OPCML: variants seen among roughly 807,000 people sequenced by gnomAD.
The protein encoded by OPCML is opioid-binding protein/cell adhesion molecule.
A neutral mutation model predicts 37.8 loss-of-function variants in OPCML; 13 were observed. That is an observed-to-expected ratio of 0.34 (90% CI 0.22 to 0.55). The LOEUF (loss-of-function observed/expected upper bound fraction) is 0.55. Ranked by LOEUF, OPCML falls within the 20% of genes least tolerant of loss-of-function variation. OPCML has a pLI of 0.91. For missense variants in OPCML, 341 were observed against 435.6 expected (o/e 0.78, Z 1.93); for synonymous variants, 176 against 168.8 (o/e 1.04, Z -0.33).
intron 3 of OPCML, among the ~76,000 whole-genome samples, chr11:132,530,863 C>T (rs1037673605): frequency 2.6e-5 from 4 of 152,154 alleles, no homozygotes; most frequent in Non-Finnish European, 2.9e-5. Flanking sequence ...CTTTTCTATT[C>T]CTTGACTGTC....
At chr11:133,344,567 C>T (rs1369663948) in intron 1 of OPCML, among the ~76,000 whole-genome samples, 1 of 152,118 alleles carries the variant, frequency 6.6e-6, no homozygotes, top group African/African-American at 2.4e-5. Context: ...ACTCTTCTTC[C>T]TTCACATGTG....
At chr11:133,386,639 C>T (rs1945061006) in intron 1 of OPCML, among the ~76,000 whole-genome samples, 1 of 152,200 alleles carries the variant, frequency 6.6e-6, no homozygotes, top group East Asian at 1.9e-4. Flanking sequence ...TACTTTAAGT[C>T]TCCCTGTTTG....
intron 4 of OPCML, among the ~76,000 whole-genome samples, chr11:132,458,963 C>G (rs2096091676): frequency 6.6e-6 from 1 of 152,154 alleles, no homozygotes; most frequent in Non-Finnish European, 1.5e-5. Flanking sequence ...CACCAAAACT[C>G]AACAAATGGT....
chr11:132,793,349 G>A (rs372099784), intron 2 of OPCML, among the ~76,000 whole-genome samples: 34 of 152,206 alleles, frequency 2.2e-4, no homozygotes, highest in Middle Eastern at 3.4e-3. Flanking sequence ...ATTCCAACTC[G>A]TAGTCTTGTT....
At chr11:133,489,084 G>A (rs1325225826) in intron 1 of OPCML, among the ~76,000 whole-genome samples, 3 of 151,844 alleles carry the variant, frequency 2.0e-5, no homozygotes, top group African/African-American at 7.3e-5. Flanking sequence ...ACTCAAGATG[G>A]ATTAAAGACC....
chr11:133,015,547 A>G (rs1947316758), intron 1 of OPCML, among the ~76,000 whole-genome samples: 1 of 152,152 alleles, frequency 6.6e-6, no homozygotes, highest in Non-Finnish European at 1.5e-5. Context: ...TGAACCCATA[A>G]TTATACTTAA....
intron 2 of OPCML, among the ~76,000 whole-genome samples, chr11:132,842,965 G>T (rs977025118): frequency 1.2e-4 from 19 of 152,086 alleles, no homozygotes; most frequent in African/African-American, 4.3e-4. Flanking sequence ...GTCATGCTTT[G>T]GTAGCTTTTA....
chr11:132,436,724 G>A lies in OPCML; in HGVS notation c.699C>T (p.Gly233=). Residue 233 remains glycine (G), a synonymous_variant, in exon 6 of 8, where the codon GGC becomes GGT. Transcript: ENST00000524381. ...KNTGVSVGQK[G]ILSCEASAVP... ...CTGCAGAGGCTTCACAGCTCAGGAT[G>A]CCCTTCTGACCGACTGAAACACCAG... 1.9e-6 allele frequency: 3 copies of A among 1,614,120 alleles called. No individual in the cohort carries two copies. Among genetic ancestry groups the A allele is most frequent in the Non-Finnish European group, 2.5e-6 (3 of 1,180,030 alleles).
At chr11:132,700,131 T>G (rs138437795) in intron 2 of OPCML, among the ~76,000 whole-genome samples, 1 of 152,192 alleles carries the variant, frequency 6.6e-6, no homozygotes, top group East Asian at 1.9e-4. Context: ...TGATCTTTTG[T>G]GTTTCTGTAA....
intron 2 of OPCML, among the ~76,000 whole-genome samples, chr11:132,923,098 T>TAAATA (rs1565967385): frequency 5.5e-5 from 5 of 90,882 alleles, no homozygotes; most frequent in Non-Finnish European, 9.3e-5. Context: ...AAATAAATAA[T>TAAATA]AATAATAATA....
At chr11:132,889,231 G>A (rs1196022434) in intron 2 of OPCML, among the ~76,000 whole-genome samples, 1 of 152,164 alleles carries the variant, frequency 6.6e-6, no homozygotes, top group East Asian at 1.9e-4. Context: ...GGAGGAAGTC[G>A]GAATAATGGT....
At chr11:132,720,172 C>G (rs1160409221) in intron 2 of OPCML, among the ~76,000 whole-genome samples, 7 of 152,208 alleles carry the variant, frequency 4.6e-5, no homozygotes. Context: ...GACTGCACAG[C>G]TCTGCATGCA....
intron 1 of OPCML, among the ~76,000 whole-genome samples, chr11:133,508,118 C>A (rs1354102349): frequency 6.6e-6 from 1 of 152,090 alleles, no homozygotes; most frequent in Non-Finnish European, 1.5e-5. Context: ...GCCTGAGTGT[C>A]GTGGTTGTTT....
At chr11:133,252,622 A>C (rs1941172137) in intron 1 of OPCML, among the ~76,000 whole-genome samples, 1 of 152,154 alleles carries the variant, frequency 6.6e-6, no homozygotes, top group African/African-American at 2.4e-5. Flanking sequence ...TAGGAATTTC[A>C]TTAATATTAG....
chr11:133,025,554 G>T (rs1396952480), intron 1 of OPCML: 1 of 674,004 alleles, frequency 1.5e-6, no homozygotes, highest in Non-Finnish European at 1.8e-6. Context: ...TAAAAAGAGT[G>T]GTTCGTTTGG....
chr11:132,910,756 G>A (rs1944402114), intron 2 of OPCML, among the ~76,000 whole-genome samples: 1 of 152,144 alleles, frequency 6.6e-6, no homozygotes, highest in African/African-American at 2.4e-5. Context: ...TCATTTTCAT[G>A]ATGATGGAGC....
chr11:133,497,163 C>A (rs1178989507), intron 1 of OPCML, among the ~76,000 whole-genome samples: 1 of 152,066 alleles, frequency 6.6e-6, no homozygotes. Context: ...TATGTTTGGT[C>A]GTTTAACATA....
chr11:133,283,405 G>A (rs906957969), intron 1 of OPCML, among the ~76,000 whole-genome samples: 8 of 147,032 alleles, frequency 5.4e-5, no homozygotes, highest in Admixed American at 4.9e-4. Context: ...CATGTGACAC[G>A]CCTGCCCCCA....
At chr11:132,732,970 T>C (rs1456573768) in intron 2 of OPCML, among the ~76,000 whole-genome samples, 1 of 152,128 alleles carries the variant, frequency 6.6e-6, no homozygotes, top group East Asian at 1.9e-4. Flanking sequence ...ACACACTAAA[T>C]ATTGAAAGAT....
Sources: allele counts gnomAD v4.1 joint callset (sites outside exome capture counted in the v4.1 genomes callset), GRCh38; gene constraint gnomAD v4.1.1; transcripts MANE v1.5; gene names NCBI Gene and HGNC (gene_info 2026-07-23, HGNC 2026-07-21).